NALF1: variants seen among roughly 807,000 people sequenced by gnomAD.
The protein encoded by NALF1 is NALCN channel auxiliary factor 1.
In NALF1, 3 loss-of-function variants were observed where a neutral mutation model predicts 48.4. That is an observed-to-expected ratio of 0.06 (90% CI 0.03 to 0.16). NALF1 has a LOEUF of 0.16. Among genes scored for constraint, NALF1 ranks in the 10% least tolerant of loss-of-function variants. The pLI, the probability that NALF1 is intolerant of heterozygous loss-of-function variation, is 1.00. For missense variants in NALF1, 526 were observed against 571.5 expected (o/e 0.92, Z 0.81); for synonymous variants, 262 against 245.7 (o/e 1.07, Z -0.62).
chr13:107,290,847 G>A (rs1881606393), intron 1 of NALF1, among the ~76,000 whole-genome samples: 1 of 151,932 alleles, frequency 6.6e-6, no homozygotes, highest in Non-Finnish European at 1.5e-5. Flanking sequence ...TTTATAGGCT[G>A]GAATAGATTT....
At chr13:107,480,822 C>T (rs1318942047) in intron 1 of NALF1, among the ~76,000 whole-genome samples, 1 of 151,988 alleles carries the variant, frequency 6.6e-6, no homozygotes, top group Non-Finnish European at 1.5e-5. Flanking sequence ...GTCTAAAGCT[C>T]GAACGAAGCA....
At chr13:107,782,563 G>A (rs1348117192) in intron 1 of NALF1, among the ~76,000 whole-genome samples, 1 of 151,678 alleles carries the variant, frequency 6.6e-6, no homozygotes, top group African/African-American at 2.4e-5. Context: ...AGTCTGGAAA[G>A]TGAGGAGCGT....
Position 107,616,807 on chromosome 13 carries a change from C to G in NALF1, c.915+248875G>C, listed in dbSNP as rs556105251. ...CCCACAGTGCATTGAGCATGGCCAGCAACAACCAACTCCAAAACGCCTTGC... is the reference window on the plus strand; with the variant it reads ...CCCACAGTGCATTGAGCATGGCCAGGAACAACCAACTCCAAAACGCCTTGC... On this transcript the variant is annotated intron_variant, in intron 1 of 2. Transcript: ENST00000375915. 2.0e-5 allele frequency among the ~76,000 whole-genome samples: 3 copies of G among 152,252 alleles called. No homozygotes were observed. The East Asian group carries it at 5.8e-4, about 29-fold the overall frequency.
At chr13:107,591,510 G>A (rs1205379222) in intron 1 of NALF1, among the ~76,000 whole-genome samples, 1 of 151,918 alleles carries the variant, frequency 6.6e-6, no homozygotes, top group Non-Finnish European at 1.5e-5. Flanking sequence ...GCAACATAAG[G>A]AGTAATTCAG....
At chr13:107,686,167 A>G (rs1394228653) in intron 1 of NALF1, among the ~76,000 whole-genome samples, 5 of 152,122 alleles carry the variant, frequency 3.3e-5, no homozygotes, top group Non-Finnish European at 7.4e-5. Context: ...AGAACTTTCC[A>G]GAATGGTTTC....
rs1296804641 is a variant in NALF1, at chr13:107,168,953, A to G, written c.*1544T>C. On this transcript the variant is annotated 3_prime_UTR_variant, in exon 3 of 3. Transcript: ENST00000375915. ...CAAGTGTAGTTAGAGAATAGGAAGG[A>G]ATGTAAAATTTTTTTTTTAATTATT... 1 of 86,920 alleles carries G rather than the reference A, an allele frequency of 1.2e-5. No individual in the cohort carries two copies. Among genetic ancestry groups the G allele is most frequent in the Non-Finnish European group, 2.4e-5 (1 of 42,356 alleles). 5.4% of individuals were successfully genotyped at this position (86,920 alleles called of 1,614,324 possible).
intron 1 of NALF1, among the ~76,000 whole-genome samples, chr13:107,588,446 A>G (rs1878516925): frequency 6.6e-6 from 1 of 152,108 alleles, no homozygotes; most frequent in Admixed American, 6.6e-5. Flanking sequence ...ATGCCTGGGA[A>G]TAACACAGAG....
chr13:107,274,360 T>C (rs1881236196), intron 1 of NALF1, among the ~76,000 whole-genome samples: 1 of 152,092 alleles, frequency 6.6e-6, no homozygotes, highest in South Asian at 2.1e-4. Context: ...CACTTGAGGC[T>C]AGGAGTTTAA....
At chr13:107,689,415 A>C (rs1881517261) in intron 1 of NALF1, among the ~76,000 whole-genome samples, 1 of 152,172 alleles carries the variant, frequency 6.6e-6, no homozygotes, top group South Asian at 2.1e-4. Flanking sequence ...ATCAAGAATC[A>C]CACTGGAGTT....
intron 1 of NALF1, among the ~76,000 whole-genome samples, chr13:107,524,052 G>A (rs1876346174): frequency 6.6e-6 from 1 of 152,020 alleles, no homozygotes; most frequent in Non-Finnish European, 1.5e-5. Flanking sequence ...AAATAATGAT[G>A]AGCTTTGATT....
At chr13:107,863,711 A>C (rs956077151) in intron 1 of NALF1, among the ~76,000 whole-genome samples, 6 of 152,190 alleles carry the variant, frequency 3.9e-5, no homozygotes, top group Non-Finnish European at 8.8e-5. Context: ...AACGTTATAA[A>C]TGAGTTAACT....
intron 1 of NALF1, among the ~76,000 whole-genome samples, chr13:107,770,135 G>A (rs374373662): frequency 3.4e-4 from 51 of 152,170 alleles, no homozygotes; most frequent in African/African-American, 1.2e-3. Flanking sequence ...GGATGGTCTC[G>A]ATCTCCTGAC....
At chr13:107,416,648 A>G (rs1215027257) in intron 1 of NALF1, among the ~76,000 whole-genome samples, 1 of 152,210 alleles carries the variant, frequency 6.6e-6, no homozygotes, top group African/African-American at 2.4e-5. Flanking sequence ...TTATGTTATC[A>G]GTACAGCTTT....
rs561997702 is a variant in NALF1 at position 107,172,519 on chromosome 13, T to C, written c.1088-1733A>G. ...AGAAATGAACAAGATATCCTTATAA[T>C]GATGCTTACAATATTCATTTCTTCT... On this transcript the variant is annotated intron_variant, in intron 2 of 2. Transcript: ENST00000375915. Among the ~76,000 whole-genome samples, 60 of 152,326 alleles carry C rather than the reference T, an allele frequency of 3.9e-4. No individual in the cohort carries two copies. In the South Asian group the frequency reaches 6.2e-3, roughly 16 times the overall value.
At chr13:107,808,595 G>A (rs1878882195) in intron 1 of NALF1, among the ~76,000 whole-genome samples, 3 of 151,898 alleles carry the variant, frequency 2.0e-5, no homozygotes, top group South Asian at 4.2e-4. Flanking sequence ...GCTGAAAGAG[G>A]GAGTGATCTT....
intron 1 of NALF1, among the ~76,000 whole-genome samples, chr13:107,816,709 A>G (rs978309852): frequency 2.6e-5 from 4 of 152,208 alleles, no homozygotes; most frequent in Non-Finnish European, 5.9e-5. Context: ...ATTGACAAGC[A>G]TATGACAAAG....
In NALF1 at chr13:107,589,883, T is replaced by C. The variant is rs1441956403; in HGVS notation, c.915+275799A>G. Among the ~76,000 whole-genome samples, 4 of 151,624 alleles carry C rather than the reference T, an allele frequency of 2.6e-5. No individual in the cohort carries two copies. The East Asian group carries it at 7.8e-4, about 29-fold the overall frequency. ...ATATCAGGCAGGATAACCAAACAGA[T>C]TGCACAGCTAGTCAGCTGACATCTC... is the stretch of plus-strand genomic sequence containing the variant. On this transcript the variant is annotated intron_variant, in intron 1 of 2. Transcript: ENST00000375915.
rs147355544 is a variant in NALF1 at position 107,680,080 on chromosome 13, T to C, written c.915+185602A>G. On this transcript the variant is annotated intron_variant, in intron 1 of 2. Coordinates refer to ENST00000375915, the MANE Select transcript of NALF1 (RefSeq NM_001080396.3). Reference sequence around the variant, plus strand: ...GGCTGCTTCAGAGTCCCTGCCTGAGTGCCCAGGTGCCCATGTGCCCAGGTG... The same window carrying C: ...GGCTGCTTCAGAGTCCCTGCCTGAGCGCCCAGGTGCCCATGTGCCCAGGTG... 3.9e-3 allele frequency among the ~76,000 whole-genome samples: 600 copies of C among 152,222 alleles called. 8 individuals carry two copies. The highest frequency in any genetic ancestry group is 7.0e-3 in the Admixed American group (107 of 15,284).
chr13:107,866,282 C>T lies in NALF1; in HGVS notation c.315G>A (p.Ala105=), dbSNP rs1172598028. The change falls in exon 1 of 3, where the codon GCG becomes GCA. Residue 105 remains alanine, a synonymous_variant. Transcript: ENST00000375915. The surrounding 1 kb of genome is among the most constrained non-coding windows in gnomAD (Gnocchi z 4.4). ...AGGACTCCCCCATGCTCGCCAGGAGCGCGGGCCAGGAGGGCTCCTGCTGCC... is the reference window on the plus strand; with the variant it reads ...AGGACTCCCCCATGCTCGCCAGGAGTGCGGGCCAGGAGGGCTCCTGCTGCC... ...QRRQQEPSWP[A]LLASMGESSP... The T allele has an allele frequency of 6.9e-6, 11 of 1,600,560 alleles. No homozygotes were observed. The East Asian group carries it at 2.5e-4, about 36-fold the overall frequency.
Sources: gnomAD v4.1 joint callset for allele counts (sites outside exome capture counted in the v4.1 genomes callset) on GRCh38, gnomAD v4.1.1 for gene constraint, Gnocchi (gnomAD v3.1) non-coding constraint, MANE v1.5 for transcripts, NCBI Gene and HGNC (gene_info 2026-07-23, HGNC 2026-07-21) for gene names.